SPIDR: variants seen among roughly 807,000 people sequenced by gnomAD.
The protein encoded by SPIDR is scaffold protein involved in DNA repair, also known as DNA repair-scaffolding protein.
SPIDR carries 93 observed loss-of-function variants against 104.6 expected under a neutral mutation model. That is an observed-to-expected ratio of 0.89 (90% confidence interval 0.75 to 1.06). The LOEUF (loss-of-function observed/expected upper bound fraction) is 1.06, where lower values mean the gene tolerates loss of function less well. Among genes scored for constraint, SPIDR ranks in the 50% least tolerant of loss-of-function variants. The pLI, the probability that SPIDR is intolerant of heterozygous loss-of-function variation, is 0.00. For missense variants in SPIDR, 1,154 were observed against 1,111.2 expected (o/e 1.04, Z -0.55); for synonymous variants, 431 against 416.9 (o/e 1.03, Z -0.41).
At chr8:47,261,214 A>G (rs538193061) in intron 1 of SPIDR, among the ~76,000 whole-genome samples, 34 of 152,250 alleles carry the variant, frequency 2.2e-4, no homozygotes, top group African/African-American at 8.2e-4. Flanking sequence ...CCGGGCCCTC[A>G]GCGGCGGTAC....
At chr8:47,355,309 G>A (rs1356764047) in intron 5 of SPIDR, among the ~76,000 whole-genome samples, 5 of 130,348 alleles carry the variant, frequency 3.8e-5, no homozygotes, top group Admixed American at 1.8e-4. Flanking sequence ...CTTAGTATCT[G>A]TTGGAATGTG....
intron 11 of SPIDR, among the ~76,000 whole-genome samples, chr8:47,696,315 T>C (rs1284775747): frequency 1.3e-5 from 2 of 152,340 alleles, no homozygotes; most frequent in East Asian, 3.9e-4. Context: ...AACAACAAAA[T>C]TCAGACAAGA....
At chr8:47,368,026 C>G (rs1044489320) in intron 5 of SPIDR, among the ~76,000 whole-genome samples, 1 of 152,050 alleles carries the variant, frequency 6.6e-6, no homozygotes, top group Non-Finnish European at 1.5e-5. Flanking sequence ...GTTCTGGAGG[C>G]TGGGAAGTCC....
At chr8:47,603,201 A>G (rs1243251652) in intron 10 of SPIDR, among the ~76,000 whole-genome samples, 1 of 151,226 alleles carries the variant, frequency 6.6e-6, no homozygotes, top group Admixed American at 6.6e-5. Flanking sequence ...GAGGTAACTT[A>G]TAATGAAAAC....
At chr8:47,433,277 T>C (rs1469093292) in intron 7 of SPIDR, among the ~76,000 whole-genome samples, 1 of 152,150 alleles carries the variant, frequency 6.6e-6, no homozygotes, top group African/African-American at 2.4e-5. Context: ...CTGCAGACCC[T>C]CCTAACTAGC....
chr8:47,311,840 G>A (rs1253244070), intron 5 of SPIDR, among the ~76,000 whole-genome samples: 2 of 151,922 alleles, frequency 1.3e-5, no homozygotes. Context: ...TTTAACATTA[G>A]GTATACCTCC....
intron 8 of SPIDR, among the ~76,000 whole-genome samples, chr8:47,568,327 A>G (rs1295912329): frequency 6.6e-6 from 1 of 152,172 alleles, no homozygotes; most frequent in Non-Finnish European, 1.5e-5. Context: ...AAGTGTTAGA[A>G]CAATACTTGG....
chr8:47,449,353 C>T (rs2071273564), intron 8 of SPIDR, among the ~76,000 whole-genome samples: 3 of 152,122 alleles, frequency 2.0e-5, no homozygotes, highest in Admixed American at 1.3e-4. Context: ...AGAGTAAAAA[C>T]ACAAGAGAGG....
At chr8:47,386,950 T>C (rs559186171) in intron 5 of SPIDR, among the ~76,000 whole-genome samples, 32 of 140,232 alleles carry the variant, frequency 2.3e-4, no homozygotes, top group South Asian at 4.4e-4. Context: ...GATATAGATA[T>C]AGATATAGAT....
At chr8:47,347,003 A>G (rs1554618627) in intron 5 of SPIDR, among the ~76,000 whole-genome samples, 1 of 152,014 alleles carries the variant, frequency 6.6e-6, no homozygotes, top group Non-Finnish European at 1.5e-5. Context: ...TAGCTTTTGA[A>G]GGTGTTTGCT....
rs922067056 is a variant in SPIDR at position 47,729,599 on chromosome 8, G to A, written c.2604+134G>A. ...CCACTAGGAAGTGGTGTAGACACTCGAGAGTGAAATGCAGATATGTCTGCC... is the reference window on the plus strand; with the variant it reads ...CCACTAGGAAGTGGTGTAGACACTCAAGAGTGAAATGCAGATATGTCTGCC... On this transcript the variant is annotated intron_variant, in intron 19 of 19. Coordinates refer to ENST00000297423, the MANE Select transcript of SPIDR (RefSeq NM_001080394.4). 1.2e-5 allele frequency: 12 copies of A among 972,526 alleles called. No homozygotes were observed. The African/African-American group carries it at 1.5e-4, about 12-fold the overall frequency. 60.2% of individuals were successfully genotyped at this position (972,526 alleles called of 1,614,324 possible).
chr8:47,412,369 A>G (rs1396810382), intron 7 of SPIDR, among the ~76,000 whole-genome samples: 1 of 152,204 alleles, frequency 6.6e-6, no homozygotes, highest in Admixed American at 6.5e-5. Flanking sequence ...AAAGAATTTA[A>G]TGGGACTTGT....
intron 10 of SPIDR, among the ~76,000 whole-genome samples, chr8:47,652,812 T>G (rs2071917980): frequency 6.6e-6 from 1 of 152,054 alleles, no homozygotes; most frequent in Non-Finnish European, 1.5e-5. Flanking sequence ...AAAAAACAGG[T>G]GATTTATAAG....
chr8:47,278,616 T>C (rs1263296828), intron 1 of SPIDR, among the ~76,000 whole-genome samples: 2 of 151,966 alleles, frequency 1.3e-5, no homozygotes, highest in African/African-American at 2.4e-5. Flanking sequence ...AGGCCTCATC[T>C]CTTTTTTTTT....
intron 5 of SPIDR, among the ~76,000 whole-genome samples, chr8:47,371,284 T>C (rs1055108469): frequency 3.9e-5 from 6 of 152,236 alleles, no homozygotes; most frequent in African/African-American, 1.4e-4. Flanking sequence ...AAAACCCTTA[T>C]GTAGATCACA....
At chr8:47,280,041 T>G in intron 2 of SPIDR, 24 bp downstream of exon 2, 1 of 1,604,694 alleles carries the variant, frequency 6.2e-7, no homozygotes, top group Non-Finnish European at 8.5e-7. Flanking sequence ...AGAATTGTTT[T>G]CCCTGAATGC....
At chr8:47,649,662 C>A (rs1343889866) in intron 10 of SPIDR, among the ~76,000 whole-genome samples, 1 of 152,034 alleles carries the variant, frequency 6.6e-6, no homozygotes, top group Non-Finnish European at 1.5e-5. Flanking sequence ...AGGAAAAACA[C>A]ACAAAAGTAT....
chr8:47,731,156 T>C (rs1362941087), intron 19 of SPIDR, among the ~76,000 whole-genome samples: 1 of 151,430 alleles, frequency 6.6e-6, no homozygotes, highest in Non-Finnish European at 1.5e-5. Context: ...CTCGGGAGGC[T>C]GAGGCAGGAG....
intron 5 of SPIDR, among the ~76,000 whole-genome samples, chr8:47,393,959 C>T (rs1421504049): frequency 6.6e-6 from 1 of 151,874 alleles, no homozygotes; most frequent in Non-Finnish European, 1.5e-5. Context: ...GGCTGGAGTG[C>T]AGTGGTGTGA....
Sources: gnomAD v4.1 joint callset for allele counts (sites outside exome capture counted in the v4.1 genomes callset) on GRCh38, gnomAD v4.1.1 for gene constraint, MANE v1.5 for transcripts, NCBI Gene and HGNC (gene_info 2026-07-23, HGNC 2026-07-21) for gene names.